GABRB1: variants seen among roughly 807,000 people sequenced by gnomAD.
GABRB1 encodes the protein gamma-aminobutyric acid type A receptor subunit beta1.
In GABRB1, 17 loss-of-function variants were observed where a neutral mutation model predicts 51.6. The ratio of observed to expected loss-of-function variants is 0.33; its 90% CI spans 0.23 to 0.49. The LOEUF is 0.49. Ranked by LOEUF, GABRB1 falls within the 20% of genes least tolerant of loss-of-function variation. The probability of loss-of-function intolerance (pLI) is 0.99; values close to 1 mark genes in which losing one functional copy is unlikely to be tolerated. For synonymous variants in GABRB1, 247 were observed against 218.9 expected, an observed-to-expected ratio of 1.13 and a Z score of -1.14; for missense variants, 410 against 600.6, an observed-to-expected ratio of 0.68 and a Z score of 3.32.
intron 3 of GABRB1, among the ~76,000 whole-genome samples, chr4:47,099,758 T>G (rs556398261): frequency 6.6e-6 from 1 of 152,110 alleles, no homozygotes; most frequent in African/African-American, 2.4e-5. Context: ...GAATTGTGTA[T>G]GCTTCTGCAA....
At chr4:47,332,329 T>G (rs2109976566) in intron 5 of GABRB1, among the ~76,000 whole-genome samples, 1 of 152,320 alleles carries the variant, frequency 6.6e-6, no homozygotes, top group South Asian at 2.1e-4. Context: ...AAAGTCCATT[T>G]ATTATCCATA....
chr4:47,175,745 A>G (rs1044630721), intron 4 of GABRB1, among the ~76,000 whole-genome samples: 10 of 152,176 alleles, frequency 6.6e-5, no homozygotes, highest in Non-Finnish European at 1.5e-4. Context: ...CTGTGGGCCA[A>G]CCTACAGATA....
chr4:47,179,971 T>G (rs1239861216), intron 4 of GABRB1, among the ~76,000 whole-genome samples: 1 of 152,106 alleles, frequency 6.6e-6, no homozygotes, highest in Non-Finnish European at 1.5e-5. Flanking sequence ...TTTAGGAGGC[T>G]GAGGCAGTAG....
chr4:47,054,353 C>T (rs1248683709), intron 3 of GABRB1, among the ~76,000 whole-genome samples: 1 of 152,180 alleles, frequency 6.6e-6, no homozygotes, highest in Admixed American at 6.5e-5. Flanking sequence ...TCTTGCTATA[C>T]TGGTGCTTGC....
chr4:47,408,608 C>G (rs1053479090), intron 8 of GABRB1, among the ~76,000 whole-genome samples: 1 of 152,148 alleles, frequency 6.6e-6, no homozygotes, highest in African/African-American at 2.4e-5. Flanking sequence ...CAAGAATCTT[C>G]TGATCTTATT....
intron 4 of GABRB1, among the ~76,000 whole-genome samples, chr4:47,212,742 T>C (rs981261453): frequency 6.6e-6 from 1 of 152,160 alleles, no homozygotes; most frequent in Admixed American, 6.5e-5. Flanking sequence ...ATTTAACTTT[T>C]AATTATTCCT....
At chr4:47,342,295 A>C (rs4597806) in intron 5 of GABRB1, among the ~76,000 whole-genome samples, 56,510 of 151,688 alleles carry the variant, frequency 0.37, 10,601 homozygotes, top group South Asian at 0.47. Flanking sequence ...ATTGCTAAAT[A>C]ATGGTCCATA....
intron 4 of GABRB1, among the ~76,000 whole-genome samples, chr4:47,285,696 T>C (rs1322108231): frequency 6.6e-6 from 1 of 152,206 alleles, no homozygotes; most frequent in Non-Finnish European, 1.5e-5. Flanking sequence ...GCCAGTTTGA[T>C]AGATCATTTT....
chr4:47,376,383 A>G (rs1403453806), intron 5 of GABRB1, among the ~76,000 whole-genome samples: 1 of 152,232 alleles, frequency 6.6e-6, no homozygotes, highest in Non-Finnish European at 1.5e-5. Flanking sequence ...GCAGTGGCTC[A>G]CGCCTGTAAT....
chr4:47,303,588 A>G (rs1724340553), intron 4 of GABRB1, among the ~76,000 whole-genome samples: 2 of 151,902 alleles, frequency 1.3e-5, no homozygotes, highest in South Asian at 4.1e-4. Flanking sequence ...CAAATATAAG[A>G]TCAGATTTAT....
At position 47,260,966 on chromosome 4, in the gene GABRB1, A is replaced by T. The variant is rs149398864; in HGVS notation, c.462-59161A>T. On this transcript the variant is annotated intron_variant, in intron 4 of 8. Coordinates refer to ENST00000295454, the MANE Select transcript of GABRB1 (RefSeq NM_000812.4). ...ACAAAAACCACATGATTATCTCAATAGAGGCAGAACAGGCCTTTGACAAAA... is the reference window on the plus strand; with the variant it reads ...ACAAAAACCACATGATTATCTCAATTGAGGCAGAACAGGCCTTTGACAAAA... Among the ~76,000 whole-genome samples the T allele has an allele frequency of 1.9e-3, 286 of 152,348 alleles. 2 individuals carry two copies. The highest frequency in any genetic ancestry group is 1.8e-3 in the Non-Finnish European group (120 of 68,032).
At position 47,294,957 on chromosome 4, in the gene GABRB1, C is replaced by T. The variant is rs576460176; in HGVS notation, c.462-25170C>T. On this transcript the variant is annotated intron_variant, in intron 4 of 8. Coordinates refer to ENST00000295454, the MANE Select transcript of GABRB1 (RefSeq NM_000812.4). ...GCAGCATTCGTGGTTCACGAAAATC[C>T]GCTGTTCTGCAGCCACCACTGCTGA... 6.6e-3 allele frequency among the ~76,000 whole-genome samples: 1,002 copies of T among 152,278 alleles called. 11 individuals are homozygous for T. Among genetic ancestry groups the T allele is most frequent in the African/African-American group, 0.022 (920 of 41,544 alleles).
chr4:47,279,876 TC>T (rs1336591921), intron 4 of GABRB1, among the ~76,000 whole-genome samples: 1 of 151,442 alleles, frequency 6.6e-6, no homozygotes, highest in African/African-American at 2.4e-5. Flanking sequence ...ATTCAGTCAC[TC>T]CTTAGAGGTG....
chr4:47,006,532 A>G (rs1021023425), intron 1 of GABRB1, among the ~76,000 whole-genome samples: 1 of 152,214 alleles, frequency 6.6e-6, no homozygotes, highest in Non-Finnish European at 1.5e-5. Flanking sequence ...CTTCACTTGC[A>G]TTTTATTATA....
At chr4:47,157,494 A>T (rs1004375467) in intron 3 of GABRB1, among the ~76,000 whole-genome samples, 1 of 152,066 alleles carries the variant, frequency 6.6e-6, no homozygotes, top group African/African-American at 2.4e-5. Flanking sequence ...AGGGACGGAT[A>T]AAAAAATTGT....
At chr4:47,224,778 C>T (rs1009678034) in intron 4 of GABRB1, among the ~76,000 whole-genome samples, 1 of 152,142 alleles carries the variant, frequency 6.6e-6, no homozygotes, top group Non-Finnish European at 1.5e-5. Flanking sequence ...CCCATGTCCC[C>T]TTCCTTTTCT....
intron 5 of GABRB1, among the ~76,000 whole-genome samples, chr4:47,363,374 GC>G (rs960990619): frequency 1.4e-4 from 22 of 152,102 alleles, no homozygotes; most frequent in African/African-American, 5.3e-4. Flanking sequence ...TTAGAGATTA[GC>G]CAAATTTTGT....
intron 3 of GABRB1, among the ~76,000 whole-genome samples, chr4:47,073,176 A>AT (rs1727410005): frequency 2.0e-5 from 3 of 152,294 alleles, no homozygotes; most frequent in South Asian, 2.1e-4. Flanking sequence ...TTGTGGAGGC[A>AT]TAAGGAAGTA....
chr4:47,026,762 A>G (rs1725108911), upstream of GABRB1, among the ~76,000 whole-genome samples: 1 of 152,096 alleles, frequency 6.6e-6, no homozygotes, highest in Non-Finnish European at 1.5e-5. Context: ...AACATATGTT[A>G]AACCCTAAAT....
Sources: allele counts gnomAD v4.1 joint callset (sites outside exome capture counted in the v4.1 genomes callset), GRCh38; gene constraint gnomAD v4.1.1; transcripts MANE v1.5; gene names NCBI Gene and HGNC (gene_info 2026-07-23, HGNC 2026-07-21).